Variants in CARMIL3 observed in about 807,000 individuals in gnomAD.
CARMIL3 encodes capping protein, Arp2/3 and myosin-I linker protein 3.
Under a neutral mutation model 180.8 loss-of-function variants are expected in CARMIL3, and 88 were observed. The observed-to-expected ratio is 0.49, with a 90% CI of 0.41 to 0.58. CARMIL3 has a LOEUF of 0.58. Among genes scored for constraint, CARMIL3 ranks in the 20% least tolerant of loss-of-function variants. The pLI is 0.00. For missense variants in CARMIL3, 1,548 were observed against 1,787.0 expected (o/e 0.87, Z 2.41); for synonymous variants, 696 against 714.5 (o/e 0.97, Z 0.41).
rs1399705856 is a variant in CARMIL3, at chr14:24,066,642, C to T, written c.3668C>T (p.Ala1223Val). The T allele has an allele frequency of 6.2e-7, 1 of 1,614,208 alleles. No individual in the cohort carries two copies. Among genetic ancestry groups the T allele is most frequent in the Non-Finnish European group, 8.5e-7 (1 of 1,180,024 alleles). ...PSFSAMRRAEATWHIAEESAP... is the reference protein window; with the variant it reads ...PSFSAMRRAEVTWHIAEESAP... ...TTCAGCGCCATGCGCAGAGCAGAGG[C>T]CACATGGCACATAGGTATGGAAAGC... Residue 1223 changes from alanine (A) to valine (V), a missense_variant, in exon 36 of 40, where the codon GCC (alanine) becomes GTC (valine). This residue lies in a region of CARMIL3 where 668 missense variants were observed against 687.8 expected (regional missense o/e 0.97). Coordinates refer to ENST00000342740, the MANE Select transcript of CARMIL3 (RefSeq NM_138360.4).
chr14:24,052,193 G>C lies in CARMIL3; in HGVS notation c.40G>C (p.Asp14His). 6.3e-7 allele frequency: 1 copy of C among 1,590,144 alleles called. No homozygotes were observed. The change falls in exon 1 of 40, where the codon GAC (aspartate) becomes CAC (histidine). Residue 14 changes from aspartate to histidine, a missense_variant and splice_region_variant. By Grantham distance (81) the Asp-to-His change is moderately conservative (BLOSUM62 -1). Around this residue, in one of 4 missense-constraint regions of CARMIL3, gnomAD observed 578 missense variants for 666.5 expected, o/e 0.87. Coordinates refer to ENST00000342740, the MANE Select transcript of CARMIL3 (RefSeq NM_138360.4). Reference sequence around the variant, plus strand: ...CGTGGAGCTCACCCGCGAGTTGCAAGGTACGAGGCTGCCTCGGTCTCTGGG... The same window carrying C: ...CGTGGAGCTCACCCGCGAGTTGCAACGTACGAGGCTGCCTCGGTCTCTGGG... ...PSVELTRELQ[D>H]SIRRCLSQGA... is the part of the protein sequence containing the mutation.
At position 24,059,257 on chromosome 14, in the gene CARMIL3, C is replaced by T; in HGVS notation, c.1627-13C>T. ...CTGTGGGGACTGGGTCCAACCGCCC[C>T]TTGCCCACACAGTCCCTGCAGTCAC... On this transcript the variant is annotated splice_polypyrimidine_tract_variant and intron_variant, in intron 20 of 39. Transcript: ENST00000342740. The surrounding 1 kb of genome is among the most constrained non-coding windows in gnomAD (Gnocchi z 6.3). 6.2e-7 allele frequency: 1 copy of T among 1,613,872 alleles called. No homozygotes were observed. The highest frequency in any genetic ancestry group is 2.2e-5 in the East Asian group (1 of 44,874).
chr14:24,068,880 C>T lies in CARMIL3; in HGVS notation c.3896C>T (p.Ala1299Val). Reference protein sequence around the residue: ...PPQEPGVREEAEAGDAAPGVN... With the variant: ...PPQEPGVREEVEAGDAAPGVN... Reference sequence around the variant, plus strand: ...CAGGAGCCAGGGGTCAGGGAGGAGGCTGAGGCTGGAGATGCAGCTCCAGGA... The same window carrying T: ...CAGGAGCCAGGGGTCAGGGAGGAGGTTGAGGCTGGAGATGCAGCTCCAGGA... The change falls in exon 38 of 40, where the codon GCT becomes GTT. Residue 1299 changes from alanine to valine, a missense_variant. Ala to Val is a moderately conservative substitution (Grantham distance 64). Transcript: ENST00000342740. 1 of 1,610,682 alleles carries T rather than the reference C, an allele frequency of 6.2e-7. No individual in the cohort carries two copies. Among genetic ancestry groups the T allele is most frequent in the Non-Finnish European group, 8.5e-7 (1 of 1,178,798 alleles).
At chr14:24,055,359 C>T (rs1452081369) in intron 8 of CARMIL3, 49 bp downstream of exon 8, 1 of 1,597,818 alleles carries the variant, frequency 6.3e-7, no homozygotes, top group African/African-American at 1.3e-5. Context: ...AAATTCAGCC[C>T]AACCCCAGCC....
Position 24,063,439 on chromosome 14 carries a change from C to A in CARMIL3, c.2885C>A (p.Ser962Tyr). Residue 962 changes from serine (S) to tyrosine (Y), a missense_variant, in exon 31 of 40, where the codon TCT (serine) becomes TAT (tyrosine). Transcript: ENST00000342740. ...GCTAGTGGCTCCTGGGAAGGTCTAT[C>A]TGAGCTGCCCACTCATGGTTACAAA... ...PTASGSWEGL[S>Y]ELPTHGYKLR... 2 of 1,613,938 alleles carry A rather than the reference C, an allele frequency of 1.2e-6. No homozygotes were observed. Among genetic ancestry groups the A allele is most frequent in the Non-Finnish European group, 1.7e-6 (2 of 1,180,014 alleles).
chr14:24,057,312 A>C, intron 14 of CARMIL3, 68 bp downstream of exon 14: 23 of 1,425,824 alleles, frequency 1.6e-5, no homozygotes, highest in Non-Finnish European at 2.2e-5. Context: ...CCTCGGTCTC[A>C]CCCCCTATCC....
chr14:24,066,629 C>T lies in CARMIL3; in HGVS notation c.3655C>T (p.Arg1219Cys), dbSNP rs375573501. 3 of 1,614,220 alleles carry T rather than the reference C, an allele frequency of 1.9e-6. No individual in the cohort carries two copies. The highest frequency in any genetic ancestry group is 2.5e-6 in the Non-Finnish European group (3 of 1,180,036). ...CACCAAACCAAGCTTCAGCGCCATG[C>T]GCAGAGCAGAGGCCACATGGCACAT... The part of the protein sequence containing the change: ...QSTKPSFSAM[R>C]RAEATWHIAE... Residue 1219 changes from arginine (R) to cysteine (C), a missense_variant, in exon 36 of 40, where the codon CGC becomes TGC. Physicochemically the swap from Arg to Cys is radical, Grantham distance 180. Coordinates refer to ENST00000342740, the MANE Select transcript of CARMIL3 (RefSeq NM_138360.4).
Position 24,062,560 on chromosome 14 carries a change from A to G in CARMIL3, c.2561A>G (p.Lys854Arg). 3 of 1,614,156 alleles carry G rather than the reference A, an allele frequency of 1.9e-6. No individual in the cohort carries two copies. The highest frequency in any genetic ancestry group is 2.5e-6 in the Non-Finnish European group (3 of 1,180,008). ...CTGCAAGAGCTCTACCATTCCCACA[A>G]GAGCCTGGTAAGGCTTCTTCTGCAG... is the stretch of plus-strand genomic sequence containing the variant. ...EILQELYHSH[K>R]SLARHLTQLR... is the part of the protein sequence containing the mutation. Residue 854 changes from lysine to arginine, a missense_variant, in exon 28 of 40, where the codon AAG becomes AGG. Around this residue, in one of 4 missense-constraint regions of CARMIL3, gnomAD observed 297 missense variants for 415.9 expected, o/e 0.71. Transcript: ENST00000342740.
chr14:24,063,311 T>A lies in CARMIL3; in HGVS notation c.2771-14T>A, dbSNP rs1316465073. 1 of 1,594,222 alleles carries A rather than the reference T, an allele frequency of 6.3e-7. No individual in the cohort carries two copies. The highest frequency in any genetic ancestry group is 8.6e-7 in the Non-Finnish European group (1 of 1,166,352). ...ATTCCTCTGCTAGTCCCTCTAATGC[T>A]GCTGTCTTTGCAGGCGGGAGCCCTC... On this transcript the variant is annotated splice_polypyrimidine_tract_variant and intron_variant, in intron 30 of 39. Coordinates refer to ENST00000342740, the MANE Select transcript of CARMIL3 (RefSeq NM_138360.4).
intron 31 of CARMIL3, among the ~76,000 whole-genome samples, chr14:24,064,001 G>A (rs548140498): frequency 2.0e-5 from 3 of 151,760 alleles, no homozygotes; most frequent in Non-Finnish European, 2.9e-5. Flanking sequence ...GGCTGAGGCA[G>A]GAGAACTGCG....
intron 28 of CARMIL3, 57 bp downstream of exon 28, chr14:24,062,624 C>T (rs1254660959): frequency 7.4e-6 from 12 of 1,613,364 alleles, no homozygotes; most frequent in Middle Eastern, 3.3e-4. Flanking sequence ...CCCACATTAT[C>T]CTGTCTCCCT....
In CARMIL3 at chr14:24,054,257, A is replaced by T; in HGVS notation, c.202A>T (p.Asn68Tyr). ...KVPAKVESSF[N>Y]VLEIRAFNTL... Reference sequence around the variant, plus strand: ...TCCCTCCTAGGTGGAGAGCTCCTTCAATGTCCTGGAGATCCGTGCCTTCAA... The same window carrying T: ...TCCCTCCTAGGTGGAGAGCTCCTTCTATGTCCTGGAGATCCGTGCCTTCAA... The change falls in exon 4 of 40, where the codon AAT becomes TAT. Residue 68 changes from asparagine (N) to tyrosine (Y), a missense_variant. Physicochemically the swap from Asn to Tyr is moderately radical, Grantham distance 143 (BLOSUM62 -2). Coordinates refer to ENST00000342740, the MANE Select transcript of CARMIL3 (RefSeq NM_138360.4). The surrounding 1 kb of genome is among the most constrained non-coding windows in gnomAD (Gnocchi z 5.1). The T allele has an allele frequency of 6.2e-7, 1 of 1,614,106 alleles. No homozygotes were observed. The highest frequency in any genetic ancestry group is 8.5e-7 in the Non-Finnish European group (1 of 1,179,976).
In CARMIL3 at chr14:24,065,113, T is replaced by TGCCCGCCC; in HGVS notation, c.3236_3237insGCCCGCCC (p.Pro1081AlafsTer150). 1 of 1,435,694 alleles carries TGCCCGCCC rather than the reference T, an allele frequency of 7.0e-7. No homozygotes were observed. Among genetic ancestry groups the TGCCCGCCC allele is most frequent in the Non-Finnish European group, 9.3e-7 (1 of 1,070,216 alleles). The allele number at this position is 1,435,694 out of a possible 1,614,324, so 88.9% of individuals were successfully genotyped here. On this transcript the variant is annotated frameshift_variant, in exon 33 of 40. Transcript: ENST00000342740. LOFTEE classifies it high-confidence loss of function. ...GGGTCCCCTACCACTGGACTCCTCC[T>TGCCCGCCC]CCCTCCACCCCCACCCCCTCCCCCG...
At position 24,060,173 on chromosome 14, in the gene CARMIL3, T is replaced by C. The variant is rs771551076; in HGVS notation, c.1979T>C (p.Val660Ala). Residue 660 changes from valine (V) to alanine (A), a missense_variant, in exon 24 of 40, where the codon GTG (valine) becomes GCG (alanine). Val to Ala is a moderately conservative substitution (Grantham distance 64). This residue lies in a region of CARMIL3 where 297 missense variants were observed against 415.9 expected (regional missense o/e 0.71). Coordinates refer to ENST00000342740, the MANE Select transcript of CARMIL3 (RefSeq NM_138360.4). ...DVWQKIQWCL[V>A]RNNHSQTCPQ... Reference sequence around the variant, plus strand: ...CATCTCCAGATCCAATGGTGCTTAGTGAGGAACAACCACTCCCAGACGTGC... The same window carrying C: ...CATCTCCAGATCCAATGGTGCTTAGCGAGGAACAACCACTCCCAGACGTGC... 2.5e-6 allele frequency: 4 copies of C among 1,614,152 alleles called. No individual in the cohort carries two copies. Among genetic ancestry groups the C allele is most frequent in the Non-Finnish European group, 3.4e-6 (4 of 1,180,034 alleles).
chr14:24,055,619 G>T lies in CARMIL3; in HGVS notation c.681+1G>T. The T allele has an allele frequency of 6.2e-7, 1 of 1,614,150 alleles. No individual in the cohort carries two copies. ...ACTCTACTGCAAGGACTTGCGGCTG[G>T]TAGGAACTGGGAGGGGCTGGTGAGG... On this transcript the variant is annotated splice_donor_variant, in intron 9 of 39. Transcript: ENST00000342740. LOFTEE classifies it high-confidence loss of function.
rs370177866 is a variant in CARMIL3, at chr14:24,069,110, T to G, written c.3983-27T>G. 1.4e-5 allele frequency: 23 copies of G among 1,612,948 alleles called. No homozygotes were observed. In the African/African-American group the frequency reaches 3.1e-4, roughly 22 times the overall value. ...TCCCAGCATGAGCCCCACTCCTGTG[T>G]TAGGCCTGCCTTGATTGTTATTTCA... On this transcript the variant is annotated intron_variant, in intron 38 of 39. Coordinates refer to ENST00000342740, the MANE Select transcript of CARMIL3 (RefSeq NM_138360.4).
At chr14:24,053,405 C>G (rs1799509586) in intron 1 of CARMIL3, among the ~76,000 whole-genome samples, 1 of 152,118 alleles carries the variant, frequency 6.6e-6, no homozygotes, top group Non-Finnish European at 1.5e-5. Flanking sequence ...TTCTTCACAC[C>G]CTCAGAAGTG....
In CARMIL3 at chr14:24,065,115, C is replaced by CCAA; in HGVS notation, c.3239_3240insAAC (p.Pro1080_Pro1081insThr). 6.7e-7 allele frequency: 1 copy of CCAA among 1,503,226 alleles called. No homozygotes were observed. Among genetic ancestry groups the CCAA allele is most frequent in the Non-Finnish European group, 8.9e-7 (1 of 1,127,020 alleles). The allele number at this position is 1,503,226 out of a possible 1,614,324, so 93.1% of individuals were successfully genotyped here. A position where few individuals can be genotyped will look rare whatever the true frequency, so the allele number is the denominator to read the frequency against. On this transcript the variant is annotated inframe_insertion, in exon 33 of 40. Coordinates refer to ENST00000342740, the MANE Select transcript of CARMIL3 (RefSeq NM_138360.4). ...GTCCCCTACCACTGGACTCCTCCTC[C>CCAA]CTCCACCCCCACCCCCTCCCCCGAC...
intron 36 of CARMIL3, among the ~76,000 whole-genome samples, chr14:24,068,148 C>A (rs1594556208): frequency 6.6e-6 from 1 of 152,282 alleles, no homozygotes; most frequent in East Asian, 1.9e-4. Flanking sequence ...CCTGTAATCC[C>A]AACACTTTGG....
Sources: gnomAD v4.1 joint callset for allele counts (sites outside exome capture counted in the v4.1 genomes callset) on GRCh38, gnomAD v4.1.1 for gene constraint, gnomAD v4.1.1 regional missense constraint, Gnocchi (gnomAD v3.1) non-coding constraint, MANE v1.5 for transcripts, NCBI Gene and HGNC (gene_info 2026-07-23, HGNC 2026-07-21) for gene names.